Variants in LUZP2 observed in about 807,000 individuals in gnomAD.
The protein encoded by LUZP2 is leucine zipper protein 2.
In LUZP2, 52 loss-of-function variants were observed where a neutral mutation model predicts 51.6. That is an observed-to-expected ratio of 1.01 (90% confidence interval 0.81 to 1.27). The LOEUF (loss-of-function observed/expected upper bound fraction) is 1.27, where lower values mean the gene tolerates loss of function less well. Among genes scored for constraint, LUZP2 ranks in the 50% most tolerant of loss-of-function variants. LUZP2 has a pLI of 0.00. For synonymous variants in LUZP2, 154 were observed against 137.3 expected, an observed-to-expected ratio of 1.12 and a Z score of -0.85; for missense variants, 436 against 395.4, an observed-to-expected ratio of 1.10 and a Z score of -0.87.
intron 8 of LUZP2, among the ~76,000 whole-genome samples, chr11:24,977,694 G>T (rs1415395331): frequency 2.0e-5 from 3 of 151,184 alleles, no homozygotes; most frequent in Non-Finnish European, 3.0e-5. Flanking sequence ...TTAGATATAG[G>T]TAATAAATAT....
Position 24,680,981 on chromosome 11 carries a change from T to A in LUZP2, c.63-48188T>A, listed in dbSNP as rs185878642. 1.5e-3 allele frequency among the ~76,000 whole-genome samples: 221 copies of A among 148,818 alleles called. 1 individual carries two copies. The highest frequency in any genetic ancestry group is 2.2e-3 in the Non-Finnish European group (145 of 67,070). On this transcript the variant is annotated intron_variant, in intron 1 of 11. Transcript: ENST00000336930. ...CTTTAATTTCTTTCTTTATTTTTTT[T>A]TTTTTTTTTTTGAGACGGAGTCTCG... is the stretch of plus-strand genomic sequence containing the variant.
chr11:24,859,594 C>T (rs1851673792), intron 5 of LUZP2, among the ~76,000 whole-genome samples: 1 of 152,014 alleles, frequency 6.6e-6, no homozygotes, highest in South Asian at 2.1e-4. Flanking sequence ...CGGAGGCTTC[C>T]ATCGAAAAAA....
intron 5 of LUZP2, among the ~76,000 whole-genome samples, chr11:24,782,882 T>A (rs1054293711): frequency 6.6e-6 from 1 of 151,984 alleles, no homozygotes; most frequent in Non-Finnish European, 1.5e-5. Context: ...CTTTGCACAA[T>A]TCAGTAAATC....
At chr11:24,816,159 C>T (rs932026654) in intron 5 of LUZP2, among the ~76,000 whole-genome samples, 4 of 152,024 alleles carry the variant, frequency 2.6e-5, no homozygotes, top group African/African-American at 9.7e-5. Flanking sequence ...CTCCTAGTCC[C>T]ATGCCTGGCT....
intron 1 of LUZP2, among the ~76,000 whole-genome samples, chr11:24,565,561 A>G (rs76285872): frequency 9.2e-4 from 140 of 152,310 alleles, no homozygotes; most frequent in African/African-American, 3.1e-3. Flanking sequence ...AAGGAAATAG[A>G]AAGCATTATC....
At chr11:25,010,286 G>T (rs1856944160) in intron 9 of LUZP2, among the ~76,000 whole-genome samples, 1 of 152,132 alleles carries the variant, frequency 6.6e-6, no homozygotes, top group South Asian at 2.1e-4. Flanking sequence ...TGGCACTGTG[G>T]CTCATGACTG....
intron 1 of LUZP2, among the ~76,000 whole-genome samples, chr11:24,551,451 G>A (rs1590170812): frequency 6.6e-6 from 1 of 152,084 alleles, no homozygotes; most frequent in Non-Finnish European, 1.5e-5. Context: ...GAAGGAGAAT[G>A]GTGAATAACT....
At chr11:25,045,554 G>A (rs1477419838) in intron 9 of LUZP2, among the ~76,000 whole-genome samples, 3 of 152,178 alleles carry the variant, frequency 2.0e-5, no homozygotes, top group South Asian at 2.1e-4. Flanking sequence ...CTTTGCCTCA[G>A]CCTTACTTTC....
chr11:25,062,039 A>G (rs1406399620), intron 10 of LUZP2, among the ~76,000 whole-genome samples: 2 of 151,630 alleles, frequency 1.3e-5, no homozygotes, highest in African/African-American at 2.4e-5. Context: ...GGAAAGTGAC[A>G]TATCAGTCAT....
At chr11:25,023,970 C>G (rs1857413328) in intron 9 of LUZP2, among the ~76,000 whole-genome samples, 6 of 152,124 alleles carry the variant, frequency 3.9e-5, no homozygotes, top group Admixed American at 3.3e-4. Context: ...ATCCTGAGTT[C>G]TAGTTTGATT....
intron 6 of LUZP2, among the ~76,000 whole-genome samples, chr11:24,907,277 G>GA (rs1233862854): frequency 1.4e-4 from 5 of 36,790 alleles, no homozygotes; most frequent in Non-Finnish European, 3.3e-4. Context: ...TGAAAAACAA[G>GA]AAAAAATCAT....
At chr11:24,706,291 C>G (rs1857580708) in intron 1 of LUZP2, among the ~76,000 whole-genome samples, 1 of 152,008 alleles carries the variant, frequency 6.6e-6, no homozygotes, top group Non-Finnish European at 1.5e-5. Context: ...ATGCCAGGAG[C>G]TCGTTACTTA....
At chr11:24,737,565 T>G (rs948805880) in intron 3 of LUZP2, among the ~76,000 whole-genome samples, 1 of 151,978 alleles carries the variant, frequency 6.6e-6, no homozygotes, top group African/African-American at 2.4e-5. Context: ...CCTAAATCCT[T>G]AAGAGAAATG....
intron 1 of LUZP2, among the ~76,000 whole-genome samples, chr11:24,574,173 CTTTCTTTCT>C (rs1384404446): frequency 7.2e-6 from 1 of 139,434 alleles, no homozygotes; most frequent in African/African-American, 2.7e-5. Context: ...AATTTTCTTT[CTTTCTTTCT>C]TTTCTTTCTT....
chr11:24,774,905 G>A (rs947658438), intron 5 of LUZP2, among the ~76,000 whole-genome samples: 1 of 148,446 alleles, frequency 6.7e-6, no homozygotes, highest in Non-Finnish European at 1.5e-5. Flanking sequence ...CTAGAGAATC[G>A]TGACTAATAC....
Position 25,040,343 on chromosome 11 carries a change from A to ATTTTTTTTTTTTTTTTTTTTTTTTTTTT in LUZP2, c.766-9675_766-9674insTTTTTTTTTTTTTTTTTTTTTTTTTTTT, listed in dbSNP as rs57668112. Among the ~76,000 whole-genome samples the ATTTTTTTTTTTTTTTTTTTTTTTTTTTT allele has an allele frequency of 1.5e-4, 15 of 98,820 alleles. 3 individuals are homozygous for ATTTTTTTTTTTTTTTTTTTTTTTTTTTT. Among genetic ancestry groups the ATTTTTTTTTTTTTTTTTTTTTTTTTTTT allele is most frequent in the African/African-American group, 8.1e-4 (14 of 17,196 alleles). 64.8% of individuals were successfully genotyped at this position (98,820 alleles called of 152,430 possible). The stretch of plus-strand genomic sequence containing the variant: ...AGAGAGCCACTTTTCTTTCTTTCCG[A>ATTTTTTTTTTTTTTTTTTTTTTTTTTTT]TTTTTTTTTTTTTTTTTTTTGCCAA... On this transcript the variant is annotated intron_variant, in intron 9 of 11. Transcript: ENST00000336930.
chr11:24,544,757 G>A (rs1174675295), intron 1 of LUZP2, among the ~76,000 whole-genome samples: 1 of 152,106 alleles, frequency 6.6e-6, no homozygotes, highest in Non-Finnish European at 1.5e-5. Flanking sequence ...TTGCCTGCAT[G>A]TGTCTTTATG....
intron 1 of LUZP2, among the ~76,000 whole-genome samples, chr11:24,566,835 A>G (rs1435845389): frequency 2.1e-5 from 3 of 145,450 alleles, no homozygotes; most frequent in Non-Finnish European, 4.5e-5. Flanking sequence ...ACATATTTAT[A>G]TATAAGGTAT....
Position 24,866,113 on chromosome 11 carries a change from T to TACACAC in LUZP2, c.397-39843_397-39838dup, listed in dbSNP as rs60308723. On this transcript the variant is annotated intron_variant, in intron 5 of 11. Coordinates refer to ENST00000336930, the MANE Select transcript of LUZP2 (RefSeq NM_001009909.4). ...CGTGAGTCTCCCGGCCTGCATTTCA[T>TACACAC]ACACACACACACACACACACACACA... Among the ~76,000 whole-genome samples, 1,093 of 146,768 alleles carry TACACAC rather than the reference T, an allele frequency of 7.4e-3. 6 individuals carry two copies. Among genetic ancestry groups the TACACAC allele is most frequent in the African/African-American group, 0.013 (499 of 38,752 alleles).
Sources: gnomAD v4.1 joint callset for allele counts (sites outside exome capture counted in the v4.1 genomes callset) on GRCh38, gnomAD v4.1.1 for gene constraint, MANE v1.5 for transcripts, NCBI Gene and HGNC (gene_info 2026-07-23, HGNC 2026-07-21) for gene names.